The following RAD23A variants were observed in gnomAD, a reference collection of about 807,000 sequenced individuals.
The protein encoded by RAD23A is lysine-specific demethylase RAD23A.
In RAD23A, 16 loss-of-function variants were observed where a neutral mutation model predicts 44.8. The observed-to-expected ratio is 0.36, with a 90% CI of 0.24 to 0.54. The LOEUF is 0.54. Among genes scored for constraint, RAD23A ranks in the 20% least tolerant of loss-of-function variants. RAD23A has a pLI of 0.89. For missense variants in RAD23A, 380 were observed against 483.3 expected (o/e 0.79, Z 2.00); for synonymous variants, 217 against 202.9 (o/e 1.07, Z -0.59).
rs769098108 is a variant in RAD23A at position 12,945,923 on chromosome 19, G to C, written c.-26G>C. Reference sequence around the variant, plus strand: ...GTTGCATGTTGTGTGAGGATCCCGGGGCCGCCGCGTCGCTCGGGCCCCGCC... The same window carrying C: ...GTTGCATGTTGTGTGAGGATCCCGGCGCCGCCGCGTCGCTCGGGCCCCGCC... On this transcript the variant is annotated 5_prime_UTR_variant, in exon 1 of 9. Coordinates refer to ENST00000586534, the MANE Select transcript of RAD23A (RefSeq NM_005053.4). 5.6e-6 allele frequency: 9 copies of C among 1,605,772 alleles called. No individual in the cohort carries two copies. The Admixed American group carries it at 1.0e-4, about 18-fold the overall frequency.
At chr19:12,949,634 A>G (rs1283163201) in intron 7 of RAD23A, 2 of 574,268 alleles carry the variant, frequency 3.5e-6, no homozygotes, top group Admixed American at 3.1e-5. Flanking sequence ...CCCACAGAAG[A>G]AGACACCGGA....
intron 7 of RAD23A, chr19:12,949,657 C>A: frequency 1.8e-6 from 1 of 550,520 alleles, no homozygotes; most frequent in Non-Finnish European, 3.2e-6. Context: ...CTTAGAGCAG[C>A]CTGTCATTCC....
rs761578570 is a variant in RAD23A at position 12,947,947 on chromosome 19, G to A, written c.172G>A (p.Asp58Asn). 8.7e-6 allele frequency: 14 copies of A among 1,613,928 alleles called. No individual in the cohort carries two copies. Among genetic ancestry groups the A allele is most frequent in the Middle Eastern group, 1.7e-4 (1 of 6,060 alleles). ...LIYAGKILSD[D>N]VPIRDYRIDE... ...CTATGCCGGCAAGATCTTGAGTGAC[G>A]ATGTCCCTATCAGGGACTATCGCAT... The change falls in exon 2 of 9, where the codon GAT becomes AAT. Residue 58 changes from aspartate (D) to asparagine (N), a missense_variant. This residue lies in a region of RAD23A where 70 missense variants were observed against 106.0 expected (regional missense o/e 0.66). Coordinates refer to ENST00000586534, the MANE Select transcript of RAD23A (RefSeq NM_005053.4).
chr19:12,946,133 C>A, intron 1 of RAD23A, 113 bp downstream of exon 1: 1 of 1,033,050 alleles, frequency 9.7e-7, no homozygotes, highest in Non-Finnish European at 1.4e-6. Context: ...CGGGTCGGCC[C>A]TGCCCAGACC....
intron 1 of RAD23A, 149 bp from the exon 2 acceptor site, chr19:12,947,699 A>T (rs1423062501): frequency 7.0e-6 from 5 of 718,654 alleles, no homozygotes; most frequent in Non-Finnish European, 4.7e-6. Context: ...GAATGAATTC[A>T]AATCTAGCAT....
At chr19:12,951,278 A>G (rs1971804474) in intron 7 of RAD23A, among the ~76,000 whole-genome samples, 1 of 151,958 alleles carries the variant, frequency 6.6e-6, no homozygotes, top group Non-Finnish European at 1.5e-5. Flanking sequence ...CACCCGGCCA[A>G]GTTCACCTTT....
At position 12,945,931 on chromosome 19, in the gene RAD23A, C is replaced by G; in HGVS notation, c.-18C>G. On this transcript the variant is annotated 5_prime_UTR_variant, in exon 1 of 9. Coordinates refer to ENST00000586534, the MANE Select transcript of RAD23A (RefSeq NM_005053.4). ...TTGTGTGAGGATCCCGGGGCCGCCG[C>G]GTCGCTCGGGCCCCGCCATGGCCGT... The G allele has an allele frequency of 1.2e-6, 2 of 1,606,780 alleles. No homozygotes were observed. The highest frequency in any genetic ancestry group is 1.7e-6 in the Non-Finnish European group (2 of 1,177,898).
At chr19:12,946,185 GCCCAGCC>G (rs1349597726) in intron 1 of RAD23A, among the ~76,000 whole-genome samples, 165 bp downstream of exon 1, 1 of 152,200 alleles carries the variant, frequency 6.6e-6, no homozygotes, top group African/African-American at 2.4e-5. Flanking sequence ...ATGGTCTTTG[GCCCAGCC>G]CCCAGCCGAT....
At position 12,948,905 on chromosome 19, in the gene RAD23A, T is replaced by A. The variant is rs1971734635; in HGVS notation, c.600+92T>A. Reference sequence around the variant, plus strand: ...GCGGTTGGGAAGGCAAAACCTGCCCTGAAAAGCCTTTGGGTAGTGATTCTA... The same window carrying A: ...GCGGTTGGGAAGGCAAAACCTGCCCAGAAAAGCCTTTGGGTAGTGATTCTA... On this transcript the variant is annotated intron_variant, in intron 5 of 8. Coordinates refer to ENST00000586534, the MANE Select transcript of RAD23A (RefSeq NM_005053.4). The surrounding 1 kb of genome is among the most constrained non-coding windows in gnomAD (Gnocchi z 5.5). 37 of 1,547,162 alleles carry A rather than the reference T, an allele frequency of 2.4e-5. No homozygotes were observed. Among genetic ancestry groups the A allele is most frequent in the Non-Finnish European group, 3.2e-5 (37 of 1,144,798 alleles).
In RAD23A at chr19:12,948,828, C is replaced by T. The variant is rs1428606303; in HGVS notation, c.600+15C>T. On this transcript the variant is annotated intron_variant, in intron 5 of 8. Transcript: ENST00000586534. This position sits in a 1 kb window ranked among gnomAD's most constrained non-coding sequence, Gnocchi z 5.5. ...ATCTGCTCACGGTGAGGTGGGGCTTCCGCCTCCCGGGGAGGCCTTGAGGGA... is the reference window on the plus strand; with the variant it reads ...ATCTGCTCACGGTGAGGTGGGGCTTTCGCCTCCCGGGGAGGCCTTGAGGGA... The T allele has an allele frequency of 6.3e-7, 1 of 1,589,072 alleles. No individual in the cohort carries two copies. Among genetic ancestry groups the T allele is most frequent in the South Asian group, 1.1e-5 (1 of 88,096 alleles).
chr19:12,945,981 G>T lies in RAD23A; in HGVS notation c.33G>T (p.Gln11His), dbSNP rs1971657530. 1 of 1,575,572 alleles carries T rather than the reference G, an allele frequency of 6.3e-7. No individual in the cohort carries two copies. The highest frequency in any genetic ancestry group is 1.7e-5 in the Admixed American group (1 of 58,822). The change falls in exon 1 of 9, where the codon CAG (glutamine) becomes CAT (histidine). Residue 11 changes from glutamine (Q) to histidine (H), a missense_variant. By Grantham distance (24) the Gln-to-His change is conservative (BLOSUM62 0). Coordinates refer to ENST00000586534, the MANE Select transcript of RAD23A (RefSeq NM_005053.4). ...TCACCATCACGCTCAAAACGCTGCA[G>T]CAGCAGACCTTCAAGATCCGCATGG... MAVTITLKTL[Q>H]QQTFKIRMEP... is the part of the protein sequence containing the mutation.
rs1568452841 is a variant in RAD23A, at chr19:12,948,029, TGGGA to T, written c.234+24_234+27del. 3 of 1,611,628 alleles carry T rather than the reference TGGGA, an allele frequency of 1.9e-6. No individual in the cohort carries two copies. The highest frequency in any genetic ancestry group is 2.5e-6 in the Non-Finnish European group (3 of 1,179,120). On this transcript the variant is annotated intron_variant, in intron 2 of 8. Coordinates refer to ENST00000586534, the MANE Select transcript of RAD23A (RefSeq NM_005053.4). This position sits in a 1 kb window ranked among gnomAD's most constrained non-coding sequence, Gnocchi z 5.5. ...ACCAAGGTGGGTGACGTGTGCTGGC[TGGGA>T]GGGTGGGTGGACGAGCTGGGGAGCT...
chr19:12,952,447 CT>C, intron 7 of RAD23A: 1 of 437,542 alleles, frequency 2.3e-6, no homozygotes, highest in East Asian at 4.4e-5. Flanking sequence ...CTGCCTCTGC[CT>C]CCCAAAGTGC....
chr19:12,946,748 C>T (rs1307016635), intron 1 of RAD23A, among the ~76,000 whole-genome samples: 1 of 152,194 alleles, frequency 6.6e-6, no homozygotes, highest in Non-Finnish European at 1.5e-5. Context: ...CTAATTCAAA[C>T]ATACTGAATG....
At chr19:12,946,084 G>GGGGGGGGGGGGGGGGGGGGGGGC in intron 1 of RAD23A, 64 bp downstream of exon 1, 1 of 512,146 alleles carries the variant, frequency 2.0e-6, no homozygotes. Context: ...TGGGGGCGGG[G>GGGGGGGGGGGGGGGGGGGGGGGC]AGGCTAGAAT....
intron 7 of RAD23A, among the ~76,000 whole-genome samples, chr19:12,952,204 C>G (rs1389779208): frequency 1.3e-5 from 2 of 151,204 alleles, no homozygotes; most frequent in Admixed American, 1.3e-4. Context: ...TGCAGCCAGC[C>G]TATTTATGTA....
chr19:12,948,302 G>A lies in RAD23A; in HGVS notation c.360G>A (p.Glu120=). Residue 120 remains glutamate, a synonymous_variant, in exon 3 of 9, where the codon GAG becomes GAA. Transcript: ENST00000586534. This position sits in a 1 kb window ranked among gnomAD's most constrained non-coding sequence, Gnocchi z 5.5. ...CCCATCCCCCACCTGCCGCCAGAGA[G>A]GACAAGAGCCCATCAGAGGAATCCG... The part of the protein sequence containing the change: ...GMSHPPPAAR[E]DKSPSEESAP... 6.2e-7 allele frequency: 1 copy of A among 1,612,660 alleles called. No homozygotes were observed. Among genetic ancestry groups the A allele is most frequent in the Non-Finnish European group, 8.5e-7 (1 of 1,179,382 alleles).
intron 7 of RAD23A, among the ~76,000 whole-genome samples, chr19:12,951,968 G>A (rs1415742235): frequency 2.0e-5 from 3 of 152,186 alleles, no homozygotes; most frequent in Admixed American, 2.0e-4. Context: ...TCTTGCCCAG[G>A]CTGGAGTGCA....
rs1301865267 is a variant in RAD23A at position 12,948,037 on chromosome 19, T to G, written c.234+28T>G. The G allele has an allele frequency of 2.5e-6, 4 of 1,609,596 alleles. No homozygotes were observed. The highest frequency in any genetic ancestry group is 8.5e-7 in the Non-Finnish European group (1 of 1,178,498). ...GGGTGACGTGTGCTGGCTGGGAGGG[T>G]GGGTGGACGAGCTGGGGAGCTGGCA... On this transcript the variant is annotated intron_variant, in intron 2 of 8. Transcript: ENST00000586534. The surrounding 1 kb of genome is among the most constrained non-coding windows in gnomAD (Gnocchi z 5.5).
Sources: gnomAD v4.1 joint callset for allele counts (sites outside exome capture counted in the v4.1 genomes callset) on GRCh38, gnomAD v4.1.1 for gene constraint, gnomAD v4.1.1 regional missense constraint, Gnocchi (gnomAD v3.1) non-coding constraint, MANE v1.5 for transcripts, NCBI Gene and HGNC (gene_info 2026-07-23, HGNC 2026-07-21) for gene names.